SLC24A2: variants seen among roughly 807,000 people sequenced by gnomAD.
SLC24A2 encodes sodium/potassium/calcium exchanger 2.
Under a neutral mutation model 62.0 loss-of-function variants are expected in SLC24A2, and 36 were observed. That is an observed-to-expected ratio of 0.58 (90% confidence interval 0.44 to 0.77). The LOEUF (loss-of-function observed/expected upper bound fraction) is 0.77. SLC24A2 is among the 30% of genes least tolerant of loss of function. The pLI, the probability that SLC24A2 is intolerant of heterozygous loss-of-function variation, is 0.00. For missense variants in SLC24A2, 846 were observed against 817.9 expected (o/e 1.03, Z -0.42); for synonymous variants, 358 against 294.0 (o/e 1.22, Z -2.23).
the SLC24A2 span, among the ~76,000 whole-genome samples, chr9:20,172,480 A>C: frequency 6.6e-6 from 1 of 152,000 alleles, no homozygotes; most frequent in Non-Finnish European, 1.5e-5. Flanking sequence ...AGAAGAGAGA[A>C]ATCCAAATAA....
At chr9:19,645,709 C>T (rs1282948359) in intron 2 of SLC24A2, among the ~76,000 whole-genome samples, 1 of 152,110 alleles carries the variant, frequency 6.6e-6, no homozygotes, top group Non-Finnish European at 1.5e-5. Context: ...TCTGGATACA[C>T]CCCACACCGC....
At chr9:20,170,658 G>T in the SLC24A2 span, among the ~76,000 whole-genome samples, 2 of 151,940 alleles carry the variant, frequency 1.3e-5, no homozygotes, top group South Asian at 4.1e-4. Flanking sequence ...CAGGAAAGTT[G>T]AGTTTGAGAA....
At chr9:19,640,200 T>C (rs973916446) in intron 2 of SLC24A2, among the ~76,000 whole-genome samples, 1 of 152,226 alleles carries the variant, frequency 6.6e-6, no homozygotes, top group Non-Finnish European at 1.5e-5. Flanking sequence ...CTGGAACCTT[T>C]CCATGAAAGC....
the SLC24A2 span, among the ~76,000 whole-genome samples, chr9:20,275,802 G>A: frequency 1.3e-5 from 2 of 152,202 alleles, no homozygotes; most frequent in African/African-American, 2.4e-5. Flanking sequence ...CACAATCATG[G>A]TGGAAAGTGA....
chr9:20,162,129 C>A, the SLC24A2 span, among the ~76,000 whole-genome samples: 1 of 151,694 alleles, frequency 6.6e-6, no homozygotes, highest in East Asian at 1.9e-4. Context: ...GTGATGTGAA[C>A]CTGTAGTCTC....
chr9:19,692,800 G>A (rs1480341847), intron 2 of SLC24A2, among the ~76,000 whole-genome samples: 3 of 152,126 alleles, frequency 2.0e-5, no homozygotes, highest in Non-Finnish European at 2.9e-5. Flanking sequence ...AAAATGCTCA[G>A]TACATAGGAA....
intron 2 of SLC24A2, among the ~76,000 whole-genome samples, chr9:19,709,621 T>A (rs963246662): frequency 1.3e-5 from 2 of 151,748 alleles, no homozygotes; most frequent in African/African-American, 4.8e-5. Flanking sequence ...TGGATGAAAC[T>A]GGACACCATC....
chr9:19,705,509 A>T (rs1389744986), intron 2 of SLC24A2: 1 of 223,840 alleles, frequency 4.5e-6, no homozygotes, highest in Admixed American at 4.2e-5. Context: ...GAAGCACAGA[A>T]AACTTCTCCA....
the SLC24A2 span, among the ~76,000 whole-genome samples, chr9:20,077,506 C>G: frequency 4.1e-4 from 63 of 152,262 alleles, no homozygotes; most frequent in African/African-American, 1.4e-3. Context: ...AGTCGGCGCT[C>G]TACAGTGTGG....
chr9:20,042,253 G>A, the SLC24A2 span, among the ~76,000 whole-genome samples: 1 of 152,210 alleles, frequency 6.6e-6, no homozygotes, highest in Non-Finnish European at 1.5e-5. Flanking sequence ...GACATTTGTG[G>A]TGTCTAGGGA....
the SLC24A2 span, among the ~76,000 whole-genome samples, chr9:20,096,117 GTCCGTCCA>G: frequency 7.4e-4 from 111 of 150,398 alleles, 1 homozygote; most frequent in Admixed American, 2.7e-3. Flanking sequence ...CCGTCCGTCC[GTCCGTCCA>G]TCCTATTGAT....
rs1167674706 is a variant in SLC24A2 at position 19,673,343 on chromosome 9, G to GT, written c.931-51045dup. On this transcript the variant is annotated intron_variant, in intron 2 of 10. Coordinates refer to ENST00000341998, the MANE Select transcript of SLC24A2 (RefSeq NM_020344.4). ...TGCTTTAAAGTTTGTTTTGTCTTATGTAAGAATAGCTACTCCTGTTTGCTT... is the reference window on the plus strand; with the variant it reads ...TGCTTTAAAGTTTGTTTTGTCTTATGTTAAGAATAGCTACTCCTGTTTGCTT... Among the ~76,000 whole-genome samples, 6 of 146,286 alleles carry GT rather than the reference G, an allele frequency of 4.1e-5. 2 individuals carry two copies. Among genetic ancestry groups the GT allele is most frequent in the African/African-American group, 1.6e-4 (6 of 37,002 alleles).
the SLC24A2 span, among the ~76,000 whole-genome samples, chr9:19,902,265 G>T: frequency 6.6e-6 from 1 of 152,150 alleles, no homozygotes; most frequent in African/African-American, 2.4e-5. Flanking sequence ...GGCCAAGATG[G>T]TATGATGGTG....
chr9:19,546,464 C>A (rs141798767), intron 8 of SLC24A2, among the ~76,000 whole-genome samples: 1 of 152,146 alleles, frequency 6.6e-6, no homozygotes, highest in African/African-American at 2.4e-5. Context: ...GTTTGAACTT[C>A]CCGGTGGCTT....
At chr9:20,286,367 C>G in the SLC24A2 span, among the ~76,000 whole-genome samples, 2 of 152,186 alleles carry the variant, frequency 1.3e-5, no homozygotes, top group African/African-American at 4.8e-5. Flanking sequence ...CAAGCTTCTG[C>G]TGTTTAGCTA....
the SLC24A2 span, among the ~76,000 whole-genome samples, chr9:20,275,253 G>C: frequency 6.6e-6 from 1 of 152,128 alleles, no homozygotes; most frequent in Non-Finnish European, 1.5e-5. Context: ...AAAGAAAAGA[G>C]GACTTGAAAA....
the SLC24A2 span, among the ~76,000 whole-genome samples, chr9:20,073,798 T>C: frequency 0.03 from 4,607 of 151,702 alleles, 226 homozygotes; most frequent in African/African-American, 0.1. Flanking sequence ...CATATATGTA[T>C]ACATTGTGTA....
chr9:19,722,347 G>A (rs1051004998), intron 2 of SLC24A2, among the ~76,000 whole-genome samples: 3 of 152,062 alleles, frequency 2.0e-5, no homozygotes, highest in African/African-American at 7.2e-5. Flanking sequence ...GAGCTGAACT[G>A]AGAATGCTAG....
the SLC24A2 span, among the ~76,000 whole-genome samples, chr9:20,230,647 G>A: frequency 7.2e-5 from 11 of 152,232 alleles, no homozygotes; most frequent in Non-Finnish European, 1.5e-4. Context: ...TTTGTCAGAC[G>A]AGTAGATTGC....
Sources: allele counts gnomAD v4.1 joint callset (sites outside exome capture counted in the v4.1 genomes callset), GRCh38; gene constraint gnomAD v4.1.1; transcripts MANE v1.5; gene names NCBI Gene and HGNC (gene_info 2026-07-23, HGNC 2026-07-21).